DSCAML1: variants seen among roughly 807,000 people sequenced by gnomAD.
DSCAML1 encodes the protein cell adhesion molecule DSCAML1.
A neutral mutation model predicts 200.5 loss-of-function variants in DSCAML1; 38 were observed. The ratio of observed to expected loss-of-function variants is 0.19; its 90% confidence interval spans 0.15 to 0.25. DSCAML1 has a LOEUF of 0.25. DSCAML1 is among the 10% of genes least tolerant of loss of function. DSCAML1 has a pLI of 1.00. For missense variants in DSCAML1, 2,223 were observed against 2,858.8 expected, an observed-to-expected ratio of 0.78 and a Z score of 5.07; for synonymous variants, 1,215 against 1,165.0, an observed-to-expected ratio of 1.04 and a Z score of -0.87.
At chr11:117,673,667 C>T (rs1480490404) in intron 3 of DSCAML1, among the ~76,000 whole-genome samples, 2 of 152,166 alleles carry the variant, frequency 1.3e-5, no homozygotes, top group South Asian at 2.1e-4. Context: ...CCTGGAAGTC[C>T]GATTTAATCA....
At chr11:117,572,446 T>C (rs2050862701) in intron 3 of DSCAML1, among the ~76,000 whole-genome samples, 1 of 152,220 alleles carries the variant, frequency 6.6e-6, no homozygotes, top group South Asian at 2.1e-4. Context: ...TGATAATGAA[T>C]GTGGATTACT....
chr11:117,747,579 C>T (rs182608334), intron 3 of DSCAML1, among the ~76,000 whole-genome samples: 88 of 152,312 alleles, frequency 5.8e-4, no homozygotes, highest in Non-Finnish European at 1.0e-3. Flanking sequence ...GACAGCAAGT[C>T]CTCCTGAGTG....
chr11:117,744,385 G>A (rs2054478042), intron 3 of DSCAML1, among the ~76,000 whole-genome samples: 1 of 152,244 alleles, frequency 6.6e-6, no homozygotes, highest in Non-Finnish European at 1.5e-5. Context: ...CAGTCCTGCA[G>A]GGCAGGGTGG....
chr11:117,779,474 T>G (rs1324793588), intron 2 of DSCAML1, among the ~76,000 whole-genome samples: 1 of 152,160 alleles, frequency 6.6e-6, no homozygotes, highest in Non-Finnish European at 1.5e-5. Context: ...CTAAAAGTCT[T>G]TCATCGTGAA....
chr11:117,512,323 G>A (rs978702069), intron 8 of DSCAML1, among the ~76,000 whole-genome samples: 3 of 151,158 alleles, frequency 2.0e-5, no homozygotes, highest in African/African-American at 4.9e-5. Context: ...CCATGCCCAC[G>A]GGCACCTCCT....
At chr11:117,521,762 C>T (rs1005435447) in intron 5 of DSCAML1, among the ~76,000 whole-genome samples, 1 of 151,692 alleles carries the variant, frequency 6.6e-6, no homozygotes, top group Non-Finnish European at 1.5e-5. Flanking sequence ...CCTCAGAAAC[C>T]GGGGGGGGCA....
chr11:117,445,496 C>T (rs1243912759), intron 20 of DSCAML1, among the ~76,000 whole-genome samples: 2 of 152,210 alleles, frequency 1.3e-5, no homozygotes, highest in Admixed American at 1.3e-4. Flanking sequence ...GGGCATACAG[C>T]CCGTAAGGTT....
chr11:117,500,679 AG>A (rs1344420966), intron 11 of DSCAML1, among the ~76,000 whole-genome samples: 1 of 152,170 alleles, frequency 6.6e-6, no homozygotes, highest in Non-Finnish European at 1.5e-5. Flanking sequence ...CTATTTAGTG[AG>A]TGCTCAGGGA....
intron 3 of DSCAML1, among the ~76,000 whole-genome samples, chr11:117,589,254 C>G (rs1415277550): frequency 6.6e-6 from 1 of 152,222 alleles, no homozygotes; most frequent in Non-Finnish European, 1.5e-5. Context: ...TGCAGTGCGC[C>G]TTGGAGATGG....
intron 5 of DSCAML1, 142 bp from the exon 6 acceptor site, chr11:117,521,547 G>A (rs2049887833): frequency 1.2e-6 from 1 of 803,644 alleles, no homozygotes; most frequent in Admixed American, 2.7e-5. Flanking sequence ...TGTGTGGACT[G>A]GGACTGGGGA....
At position 117,512,761 on chromosome 11, in the gene DSCAML1, TCACACACA is replaced by T. The variant is rs71037482; in HGVS notation, c.1783+3698_1783+3705del. ...AAGGCATGGGCTCTGTCCTCTAGGA[TCACACACA>T]CACACACACACACACACACACACAC... On this transcript the variant is annotated intron_variant, in intron 8 of 32. Coordinates refer to ENST00000651296, the MANE Select transcript of DSCAML1 (RefSeq NM_020693.4). 1.8e-3 allele frequency among the ~76,000 whole-genome samples: 201 copies of T among 113,154 alleles called. 1 individual carries two copies. Among genetic ancestry groups the T allele is most frequent in the East Asian group, 0.012 (48 of 3,850 alleles). The allele number at this position is 113,154 out of a possible 152,430, so 74.2% of individuals were successfully genotyped here.
intron 19 of DSCAML1, among the ~76,000 whole-genome samples, chr11:117,452,999 C>T (rs941017606): frequency 7.9e-5 from 12 of 151,826 alleles, no homozygotes; most frequent in African/African-American, 1.9e-4. Context: ...GGTGTGGTCT[C>T]GGCTCACTCA....
In DSCAML1 at chr11:117,743,771, C is replaced by T. The variant is rs1361035310; in HGVS notation, c.511+33020G>A. ...TTTATCCCTAACAATTAATCCTTAG[C>T]GATTAACAGACAGAATTCAATACCC... On this transcript the variant is annotated intron_variant, in intron 3 of 32. Coordinates refer to ENST00000651296, the MANE Select transcript of DSCAML1 (RefSeq NM_020693.4). 6.6e-5 allele frequency among the ~76,000 whole-genome samples: 10 copies of T among 152,340 alleles called. No homozygotes were observed. The East Asian group carries it at 1.7e-3, about 26-fold the overall frequency.
At chr11:117,671,041 T>C (rs895924298) in intron 3 of DSCAML1, among the ~76,000 whole-genome samples, 2 of 152,144 alleles carry the variant, frequency 1.3e-5, no homozygotes, top group Non-Finnish European at 2.9e-5. Flanking sequence ...AAGAGGCCAA[T>C]TCCCTCTGGC....
At chr11:117,551,928 G>A (rs903760290) in intron 3 of DSCAML1, among the ~76,000 whole-genome samples, 3 of 152,032 alleles carry the variant, frequency 2.0e-5, no homozygotes, top group Non-Finnish European at 4.4e-5. Context: ...CAGAATGAGT[G>A]GGAGGGGACA....
intron 3 of DSCAML1, among the ~76,000 whole-genome samples, chr11:117,655,782 G>T (rs1459341104): frequency 6.6e-6 from 1 of 152,212 alleles, no homozygotes; most frequent in Non-Finnish European, 1.5e-5. Context: ...AGGCATATTT[G>T]AGGACTTGGA....
chr11:117,518,504 A>G lies in DSCAML1; in HGVS notation c.1472T>C (p.Val491Ala). The change falls in exon 7 of 33, where the codon GTG becomes GCG. Residue 491 changes from valine to alanine, a missense_variant. Transcript: ENST00000651296. This position sits in a 1 kb window ranked among gnomAD's most constrained non-coding sequence, Gnocchi z 6.3. ...GVYRCTARNLVGSAEYQARIN... is the reference protein window; with the variant it reads ...GVYRCTARNLAGSAEYQARIN... ...TCGCGCCTGATATTCAGCACTGCCCACCAAGTTCCGCGCTGTGCACCGGTA... is the reference window on the plus strand; with the variant it reads ...TCGCGCCTGATATTCAGCACTGCCCGCCAAGTTCCGCGCTGTGCACCGGTA... 1 of 1,614,198 alleles carries G rather than the reference A, an allele frequency of 6.2e-7. No homozygotes were observed. The highest frequency in any genetic ancestry group is 8.5e-7 in the Non-Finnish European group (1 of 1,180,028).
At chr11:117,585,514 G>C (rs1444240141) in intron 3 of DSCAML1, among the ~76,000 whole-genome samples, 1 of 152,190 alleles carries the variant, frequency 6.6e-6, no homozygotes, top group African/African-American at 2.4e-5. Flanking sequence ...CCGAAGTGCT[G>C]GGATTACAGG....
chr11:117,796,963 C>A, intron 1 of DSCAML1, 71 bp downstream of exon 1: 1 of 1,182,878 alleles, frequency 8.5e-7, no homozygotes, highest in Non-Finnish European at 1.1e-6. Context: ...CGCCGGGCAC[C>A]CCGCCTCGCC....
Sources: allele counts gnomAD v4.1 joint callset (sites outside exome capture counted in the v4.1 genomes callset), GRCh38; gene constraint gnomAD v4.1.1; non-coding constraint Gnocchi (gnomAD v3.1); transcripts MANE v1.5; gene names NCBI Gene and HGNC (gene_info 2026-07-23, HGNC 2026-07-21).